The following OR5V1 variants were observed in gnomAD, a reference collection of about 807,000 sequenced individuals.
The protein encoded by OR5V1 is olfactory receptor family 5 subfamily V member 1.
For synonymous variants in OR5V1, 134 were observed against 143.2 expected (o/e 0.94, Z 0.46); for missense variants, 365 against 371.5 (o/e 0.98, Z 0.14).
chr6:29,355,797 T>A lies in OR5V1; in HGVS notation c.399A>T (p.Ser133=). 6.2e-7 allele frequency: 1 copy of A among 1,614,058 alleles called. No homozygotes were observed. Among genetic ancestry groups the A allele is most frequent in the South Asian group, 1.1e-5 (1 of 91,088 alleles). The change falls in exon 2 of 2, where the codon TCA becomes TCT. Residue 133 remains serine (S), a synonymous_variant. Transcript: ENST00000641768. ...TGCATAGAACCTTGCTCAGAATAAC[T>A]GAATACCTTAAAGGATTGCAGATTG... ...YIAICNPLRY[S]VILSKVLCNQ...
At chr6:29,359,738 A>C (rs1778479087) in intron 1 of OR5V1, among the ~76,000 whole-genome samples, 1 of 152,134 alleles carries the variant, frequency 6.6e-6, no homozygotes, top group Non-Finnish European at 1.5e-5. Context: ...GGACTGTGCT[A>C]TTCACCCACA....
chr6:29,356,320 C>T (rs1309062338), intron 1 of OR5V1, 43 bp from the exon 2 acceptor site: 1 of 1,093,078 alleles, frequency 9.1e-7, no homozygotes, highest in African/African-American at 1.6e-5. Flanking sequence ...AAAGTAATCA[C>T]CATTTATGTC....
intron 1 of OR5V1, among the ~76,000 whole-genome samples, chr6:29,356,876 A>G (rs1778337833): frequency 6.6e-6 from 1 of 152,174 alleles, no homozygotes; most frequent in East Asian, 1.9e-4. Context: ...TTTCCGTGGC[A>G]ATACATTTTA....
At chr6:29,356,600 T>C (rs988575884) in intron 1 of OR5V1, among the ~76,000 whole-genome samples, 1 of 152,206 alleles carries the variant, frequency 6.6e-6, no homozygotes, top group Non-Finnish European at 1.5e-5. Flanking sequence ...CATTTGCTTC[T>C]TTGAAGCCAT....
Position 29,356,271 on chromosome 6 carries a change from G to A in OR5V1, c.-76C>T, listed in dbSNP as rs1778304987. The A allele has an allele frequency of 2.1e-6, 3 of 1,462,528 alleles. No homozygotes were observed. Among genetic ancestry groups the A allele is most frequent in the Non-Finnish European group, 2.7e-6 (3 of 1,092,658 alleles). The allele number at this position is 1,462,528 out of a possible 1,614,324, so 90.6% of individuals were successfully genotyped here. A position where few individuals can be genotyped will look rare whatever the true frequency, so the allele number is the denominator to read the frequency against. ...TAAAAATGAATCATATGCTGCAATA[G>A]CATGACCTGAAAAATAAGGGAAAAA... is the stretch of plus-strand genomic sequence containing the variant. On this transcript the variant is annotated 5_prime_UTR_variant, in exon 2 of 2. Coordinates refer to ENST00000641768, the MANE Select transcript of OR5V1 (RefSeq NM_030876.6).
At chr6:29,367,226 C>T (rs1338210526) in intron 1 of OR5V1, among the ~76,000 whole-genome samples, 1 of 152,082 alleles carries the variant, frequency 6.6e-6, no homozygotes, top group Non-Finnish European at 1.5e-5. Flanking sequence ...AGCTTAAATG[C>T]CTCTTTTCTC....
At chr6:29,356,722 A>G (rs555495789) in intron 1 of OR5V1, among the ~76,000 whole-genome samples, 1 of 152,330 alleles carries the variant, frequency 6.6e-6, no homozygotes, top group Non-Finnish European at 1.5e-5. Flanking sequence ...ATAGAAAAGA[A>G]AATTTAAAAC....
intron 1 of OR5V1, among the ~76,000 whole-genome samples, chr6:29,358,811 G>A (rs1778434728): frequency 6.6e-6 from 1 of 152,134 alleles, no homozygotes; most frequent in South Asian, 2.1e-4. Flanking sequence ...AGTGGACAGG[G>A]GTGGACTGGT....
At chr6:29,357,186 A>G (rs1778357468) in intron 1 of OR5V1, among the ~76,000 whole-genome samples, 1 of 152,148 alleles carries the variant, frequency 6.6e-6, no homozygotes, top group Admixed American at 6.5e-5. Context: ...TGTTTCAACA[A>G]ATTATTGTTA....
chr6:29,364,193 C>CATAAAA (rs2151278822), intron 1 of OR5V1, among the ~76,000 whole-genome samples: 1 of 152,014 alleles, frequency 6.6e-6, no homozygotes, highest in East Asian at 1.9e-4. Flanking sequence ...CTCCCATTCA[C>CATAAAA]AATTACCATA....
In OR5V1 at chr6:29,355,438, C is replaced by T. The variant is rs111683139; in HGVS notation, c.758G>A (p.Gly253Asp). Reference protein sequence around the residue: ...SHLAIVFLFYGSAIFTYVRPI... With the variant: ...SHLAIVFLFYDSAIFTYVRPI... ...CCGTACATATGTAAAGATGGCGCTG[C>T]CATAAAAGAGAAAGACAATGGCCAG... The change falls in exon 2 of 2, where the codon GGC (glycine) becomes GAC (aspartate). Residue 253 changes from glycine to aspartate, a missense_variant. Physicochemically the swap from Gly to Asp is moderately conservative, Grantham distance 94 (BLOSUM62 -1). Coordinates refer to ENST00000641768, the MANE Select transcript of OR5V1 (RefSeq NM_030876.6). 8 of 1,613,914 alleles carry T rather than the reference C, an allele frequency of 5.0e-6. No homozygotes were observed. In the Admixed American group the frequency reaches 1.0e-4, roughly 20 times the overall value.
chr6:29,363,786 T>C (rs1282892036), intron 1 of OR5V1, among the ~76,000 whole-genome samples: 1 of 152,200 alleles, frequency 6.6e-6, no homozygotes, highest in Non-Finnish European at 1.5e-5. Context: ...TAAATATTGA[T>C]GGAACATATA....
chr6:29,355,042 C>A lies in OR5V1; in HGVS notation c.*188G>T. 1 of 471,610 alleles carries A rather than the reference C, an allele frequency of 2.1e-6. No homozygotes were observed. The highest frequency in any genetic ancestry group is 3.6e-6 in the Non-Finnish European group (1 of 278,498). The allele number at this position is 471,610 out of a possible 1,614,324, so 29.2% of individuals were successfully genotyped here. A position where few individuals can be genotyped will look rare whatever the true frequency, so the allele number is the denominator to read the frequency against. ...GGAAAAATAAATAAGAAGATAATAT[C>A]TAAAGAGAGCAACATTGATATCTCT... is the stretch of plus-strand genomic sequence containing the variant. On this transcript the variant is annotated 3_prime_UTR_variant, in exon 2 of 2. Transcript: ENST00000641768.
intron 1 of OR5V1, among the ~76,000 whole-genome samples, chr6:29,360,252 C>T (rs761267006): frequency 1.3e-5 from 2 of 152,208 alleles, no homozygotes; most frequent in Non-Finnish European, 2.9e-5. Flanking sequence ...GAAAGAAAGG[C>T]AGCAGTCCCA....
rs1188957154 is a variant in OR5V1, at chr6:29,356,204, C to CT, written c.-10dup. ...TGATTCTTTCTTTCCATGATGTCGC[C>CT]TGGTTTCCTTTCAGGAATTGGGCAA... On this transcript the variant is annotated 5_prime_UTR_variant, in exon 2 of 2. Transcript: ENST00000641768. 2.6e-6 allele frequency: 4 copies of CT among 1,549,122 alleles called. No individual in the cohort carries two copies. The highest frequency in any genetic ancestry group is 1.8e-4 in the Middle Eastern group (1 of 5,714).
At chr6:29,358,582 A>C in intron 1 of OR5V1, among the ~76,000 whole-genome samples, 1 of 152,194 alleles carries the variant, frequency 6.6e-6, no homozygotes, top group East Asian at 1.9e-4. Flanking sequence ...TGAATGACTA[A>C]AGAAATGTTA....
In OR5V1 at chr6:29,356,028, A is replaced by T; in HGVS notation, c.168T>A (p.His56Gln). The T allele has an allele frequency of 6.2e-7, 1 of 1,614,088 alleles. No homozygotes were observed. Among genetic ancestry groups the T allele is most frequent in the Non-Finnish European group, 8.5e-7 (1 of 1,179,966 alleles). The change falls in exon 2 of 2, where the codon CAT becomes CAA. Residue 56 changes from histidine to glutamine, a missense_variant. His to Gln is a conservative substitution (Grantham distance 24). Transcript: ENST00000641768. ...ILTTVTDPHL[H>Q]TPMYYFLGNL... ...TCCCTAGAAAATAATACATAGGTGT[A>T]TGCAGGTGTGGATCAGTCACAGTCG... is the stretch of plus-strand genomic sequence containing the variant.
intron 1 of OR5V1, among the ~76,000 whole-genome samples, chr6:29,358,742 A>G (rs1238036445): frequency 1.3e-5 from 2 of 152,190 alleles, no homozygotes; most frequent in African/African-American, 2.4e-5. Flanking sequence ...GTGGAATCTA[A>G]AAAGGTCAAA....
Position 29,356,238 on chromosome 6 carries a change from C to A in OR5V1, c.-43G>T. 1.3e-6 allele frequency: 2 copies of A among 1,525,978 alleles called. No individual in the cohort carries two copies. Among genetic ancestry groups the A allele is most frequent in the Non-Finnish European group, 1.8e-6 (2 of 1,142,836 alleles). 94.5% of individuals were successfully genotyped at this position (1,525,978 alleles called of 1,614,324 possible). A position where few individuals can be genotyped will look rare whatever the true frequency, so the allele number is the denominator to read the frequency against. ...TTTCAGGAATTGGGCAAAGAGAAGA[C>A]CAGATTATAAAAATGAATCATATGC... On this transcript the variant is annotated 5_prime_UTR_variant, in exon 2 of 2. Transcript: ENST00000641768.
Sources: gnomAD v4.1 joint callset for allele counts (sites outside exome capture counted in the v4.1 genomes callset) on GRCh38, gnomAD v4.1.1 for gene constraint, MANE v1.5 for transcripts, NCBI Gene and HGNC (gene_info 2026-07-23, HGNC 2026-07-21) for gene names.